Variants in SUPT3H observed in about 807,000 individuals in gnomAD.
The protein encoded by SUPT3H is transcription initiation protein SPT3 homolog.
SUPT3H carries 44 observed loss-of-function variants against 44.3 expected under a neutral mutation model. The ratio of observed to expected loss-of-function variants is 0.99; its 90% CI spans 0.78 to 1.28. The LOEUF (loss-of-function observed/expected upper bound fraction) is 1.28. SUPT3H is among the 50% of genes most tolerant of loss of function. The pLI is 0.00. For synonymous variants in SUPT3H, 124 were observed against 125.6 expected (o/e 0.99, Z 0.09); for missense variants, 380 against 387.1 (o/e 0.98, Z 0.15).
rs115276550 is a variant in SUPT3H at position 44,857,764 on chromosome 6, C to T, written c.913-27907G>A. ...CTGGAATCCTTTGGTAAGCAACTCTCGAACTATTCAAATAGGCAACTAGCA... is the reference window on the plus strand; with the variant it reads ...CTGGAATCCTTTGGTAAGCAACTCTTGAACTATTCAAATAGGCAACTAGCA... On this transcript the variant is annotated intron_variant, in intron 10 of 10. Transcript: ENST00000371459. Among the ~76,000 whole-genome samples, 807 of 152,262 alleles carry T rather than the reference C, an allele frequency of 5.3e-3. 5 individuals carry two copies. Among genetic ancestry groups the T allele is most frequent in the African/African-American group, 0.018 (751 of 41,536 alleles).
chr6:45,016,250 G>A (rs1323556550), intron 4 of SUPT3H, among the ~76,000 whole-genome samples: 1 of 151,860 alleles, frequency 6.6e-6, no homozygotes, highest in Non-Finnish European at 1.5e-5. Context: ...ATAATCTTAT[G>A]GGACTACTGC....
intron 2 of SUPT3H, among the ~76,000 whole-genome samples, chr6:45,258,533 G>T (rs1773785886): frequency 6.6e-6 from 1 of 152,132 alleles, no homozygotes; most frequent in African/African-American, 2.4e-5. Context: ...AATAAGAAAA[G>T]TTACCAGATT....
At chr6:44,868,922 A>G (rs1303561620) in intron 10 of SUPT3H, among the ~76,000 whole-genome samples, 1 of 152,122 alleles carries the variant, frequency 6.6e-6, no homozygotes, top group East Asian at 1.9e-4. Flanking sequence ...TGCTATCCCA[A>G]TGGGTGGACC....
At chr6:45,085,039 T>G (rs975310132) in intron 3 of SUPT3H, among the ~76,000 whole-genome samples, 3 of 152,058 alleles carry the variant, frequency 2.0e-5, no homozygotes, top group African/African-American at 7.2e-5. Context: ...GATGGGATCC[T>G]TCATATCCCA....
chr6:44,910,570 T>C (rs931794947), intron 10 of SUPT3H, among the ~76,000 whole-genome samples: 1 of 152,224 alleles, frequency 6.6e-6, no homozygotes, highest in Non-Finnish European at 1.5e-5. Flanking sequence ...TATGCCTTTA[T>C]CTACCATGAC....
At chr6:44,859,960 T>C (rs1743648858) in intron 10 of SUPT3H, among the ~76,000 whole-genome samples, 1 of 152,134 alleles carries the variant, frequency 6.6e-6, no homozygotes, top group South Asian at 2.1e-4. Flanking sequence ...AAAATGAGAT[T>C]GGGGAATCAA....
At chr6:44,857,818 C>T (rs1582024133) in intron 10 of SUPT3H, among the ~76,000 whole-genome samples, 1 of 152,096 alleles carries the variant, frequency 6.6e-6, no homozygotes, top group African/African-American at 2.4e-5. Flanking sequence ...TGGTAAAAAT[C>T]ATATACATTT....
At chr6:45,114,938 C>A (rs912928937) in intron 2 of SUPT3H, among the ~76,000 whole-genome samples, 1 of 152,126 alleles carries the variant, frequency 6.6e-6, no homozygotes, top group Non-Finnish European at 1.5e-5. Context: ...AGGACTTTTA[C>A]CTCATCCAGA....
At chr6:44,889,577 G>GGAT (rs1171744875) in intron 10 of SUPT3H, among the ~76,000 whole-genome samples, 4 of 152,296 alleles carry the variant, frequency 2.6e-5, no homozygotes, top group African/African-American at 4.8e-5. Flanking sequence ...AGCTGAAACT[G>GGAT]GATGCCTTCC....
At chr6:44,998,007 T>C (rs1407289391) in intron 6 of SUPT3H, among the ~76,000 whole-genome samples, 2 of 151,920 alleles carry the variant, frequency 1.3e-5, no homozygotes, top group Non-Finnish European at 2.9e-5. Context: ...GATACATTTT[T>C]CATTATATAT....
At chr6:45,044,787 A>C (rs1490923196) in intron 3 of SUPT3H, among the ~76,000 whole-genome samples, 1 of 152,096 alleles carries the variant, frequency 6.6e-6, no homozygotes, top group Non-Finnish European at 1.5e-5. Context: ...CTTAGGTCTT[A>C]GATTCTTGGA....
intron 2 of SUPT3H, among the ~76,000 whole-genome samples, chr6:45,285,377 T>C (rs1430157455): frequency 6.6e-6 from 1 of 152,224 alleles, no homozygotes; most frequent in Non-Finnish European, 1.5e-5. Context: ...CTTAAGCTGA[T>C]TGTCAACTGC....
intron 2 of SUPT3H, among the ~76,000 whole-genome samples, chr6:45,160,084 T>C (rs1423537358): frequency 4.6e-5 from 7 of 152,160 alleles, no homozygotes; most frequent in African/African-American, 1.7e-4. Flanking sequence ...ATATAAAGCA[T>C]AGCATGTACC....
intron 2 of SUPT3H, among the ~76,000 whole-genome samples, chr6:45,293,094 G>A (rs1430552543): frequency 2.0e-5 from 3 of 151,920 alleles, no homozygotes; most frequent in Admixed American, 6.6e-5. Context: ...GGCACAAAAT[G>A]AGCCTCAATA....
chr6:45,228,652 A>C (rs1767378993), intron 2 of SUPT3H, among the ~76,000 whole-genome samples: 1 of 152,124 alleles, frequency 6.6e-6, no homozygotes, highest in African/African-American at 2.4e-5. Context: ...TAAAAATAAA[A>C]AAAATTTTTT....
chr6:45,007,307 T>C (rs1029697808), intron 5 of SUPT3H, among the ~76,000 whole-genome samples: 3 of 151,992 alleles, frequency 2.0e-5, no homozygotes, highest in Non-Finnish European at 1.5e-5. Context: ...CTCTGCAGTC[T>C]TGGATTATTC....
chr6:45,375,019 C>T (rs1796585077), intron 1 of SUPT3H, among the ~76,000 whole-genome samples: 1 of 152,048 alleles, frequency 6.6e-6, no homozygotes, highest in South Asian at 2.1e-4. Context: ...CCAGCCTGGC[C>T]AACATAGTGA....
chr6:45,263,167 G>A (rs1774670868), intron 2 of SUPT3H, among the ~76,000 whole-genome samples: 1 of 152,018 alleles, frequency 6.6e-6, no homozygotes, highest in South Asian at 2.1e-4. Flanking sequence ...CATTCCACCA[G>A]ATAGACACTG....
At chr6:45,324,202 AGTAT>A (rs1785987891) in intron 2 of SUPT3H, among the ~76,000 whole-genome samples, 1 of 150,406 alleles carries the variant, frequency 6.6e-6, no homozygotes, top group South Asian at 2.1e-4. Context: ...ACATTAAACA[AGTAT>A]GGATCACTCT....
Sources: allele counts gnomAD v4.1 joint callset (sites outside exome capture counted in the v4.1 genomes callset), GRCh38; gene constraint gnomAD v4.1.1; transcripts MANE v1.5; gene names NCBI Gene and HGNC (gene_info 2026-07-23, HGNC 2026-07-21).